The following PLEKHB2 variants were observed in gnomAD, a reference collection of about 807,000 sequenced individuals.
PLEKHB2 encodes pleckstrin homology domain containing B2.
In PLEKHB2, 31 loss-of-function variants were observed where a neutral mutation model predicts 36.5. The observed-to-expected ratio is 0.85, with a 90% CI of 0.64 to 1.15. The LOEUF (loss-of-function observed/expected upper bound fraction) is 1.15, where lower values mean the gene tolerates loss of function less well. Ranked by LOEUF, PLEKHB2 falls within the 50% of genes most tolerant of loss-of-function variation. PLEKHB2 has a pLI of 0.00. For synonymous variants in PLEKHB2, 119 were observed against 112.0 expected (o/e 1.06, Z -0.39); for missense variants, 262 against 295.3 (o/e 0.89, Z 0.83).
intron 1 of PLEKHB2, among the ~76,000 whole-genome samples, chr2:131,113,300 T>C (rs753140391): frequency 3.3e-5 from 5 of 152,114 alleles, no homozygotes. Context: ...CTCAAACTCC[T>C]GAGCTCAAGT....
At position 131,146,613 on chromosome 2, in the gene PLEKHB2, TCTG is replaced by T. The variant is rs771388794; in HGVS notation, c.533-21_533-19del. ...AACTTCACAAACCGCTGCTCAGAAA[TCTG>T]CTATTTTCCTTCTCTTTTAGGACTT... On this transcript the variant is annotated intron_variant, in intron 7 of 7. Coordinates refer to ENST00000693505, the MANE Select transcript of PLEKHB2 (RefSeq NM_001100623.2). 60 of 1,595,582 alleles carry T rather than the reference TCTG, an allele frequency of 3.8e-5. No homozygotes were observed. In the African/African-American group the frequency reaches 5.1e-4, roughly 14 times the overall value.
chr2:131,130,932 C>T, intron 5 of PLEKHB2, among the ~76,000 whole-genome samples, 172 bp downstream of exon 5: 1 of 152,078 alleles, frequency 6.6e-6, no homozygotes, highest in Non-Finnish European at 1.5e-5. Context: ...ACTATAGGCC[C>T]ATGCTACCAC....
At chr2:131,110,513 C>T (rs1368916641) in intron 1 of PLEKHB2, among the ~76,000 whole-genome samples, 1 of 152,092 alleles carries the variant, frequency 6.6e-6, no homozygotes, top group East Asian at 1.9e-4. Flanking sequence ...GTAGGTGGGA[C>T]TACAGGCGTG....
intron 7 of PLEKHB2, among the ~76,000 whole-genome samples, chr2:131,144,809 G>A (rs574301629): frequency 6.6e-6 from 1 of 152,340 alleles, no homozygotes; most frequent in East Asian, 1.9e-4. Flanking sequence ...AGGGGCATCA[G>A]AATGTAGATT....
intron 7 of PLEKHB2, chr2:131,144,541 A>G: frequency 2.1e-6 from 1 of 487,554 alleles, no homozygotes; most frequent in Middle Eastern, 5.7e-4. Flanking sequence ...ATTTGATGGT[A>G]ATTTGTAAAA....
chr2:131,110,317 GTT>G (rs781526594), intron 1 of PLEKHB2, among the ~76,000 whole-genome samples: 10 of 129,416 alleles, frequency 7.7e-5, no homozygotes, highest in South Asian at 2.5e-4. Context: ...AGTCTGGACT[GTT>G]TTTTTTTTTT....
intron 7 of PLEKHB2, among the ~76,000 whole-genome samples, chr2:131,145,107 A>G (rs545751028): frequency 6.6e-6 from 1 of 152,306 alleles, no homozygotes; most frequent in African/African-American, 2.4e-5. Flanking sequence ...GTGGGTATAA[A>G]TGCATACTGT....
chr2:131,146,814 G>T lies in PLEKHB2; in HGVS notation c.*41G>T, dbSNP rs767269085. 3.3e-6 allele frequency: 5 copies of T among 1,512,612 alleles called. No individual in the cohort carries two copies. The highest frequency in any genetic ancestry group is 4.5e-6 in the Non-Finnish European group (5 of 1,121,506). The allele number at this position is 1,512,612 out of a possible 1,614,324, so 93.7% of individuals were successfully genotyped here. On this transcript the variant is annotated 3_prime_UTR_variant, in exon 8 of 8. Transcript: ENST00000693505. ...GATGTGCATAGCTTCTGATAACCCT[G>T]TGTGCAATAATATGATTTGCAGGGC... is the stretch of plus-strand genomic sequence containing the variant.
intron 1 of PLEKHB2, chr2:131,120,671 G>A (rs1393842463): frequency 1.9e-6 from 1 of 537,092 alleles, no homozygotes; most frequent in Non-Finnish European, 3.4e-6. Flanking sequence ...GCTGCTTTAT[G>A]TTTGTTGAGT....
At chr2:131,142,131 TTGGGA>T (rs1698850344) in intron 7 of PLEKHB2, among the ~76,000 whole-genome samples, 1 of 152,110 alleles carries the variant, frequency 6.6e-6, no homozygotes, top group Admixed American at 6.5e-5. Context: ...GGGCACATCT[TTGGGA>T]TGGGAAGGAA....
intron 6 of PLEKHB2, among the ~76,000 whole-genome samples, chr2:131,138,990 A>G (rs1312210001): frequency 2.0e-5 from 3 of 152,218 alleles, no homozygotes; most frequent in Non-Finnish European, 4.4e-5. Context: ...CCTGCTGAGC[A>G]TGGAAATTCA....
At chr2:131,140,781 T>C (rs549848444) in intron 7 of PLEKHB2, among the ~76,000 whole-genome samples, 34 of 152,332 alleles carry the variant, frequency 2.2e-4, no homozygotes, top group African/African-American at 7.9e-4. Flanking sequence ...AGGTATCATG[T>C]CCAGGTCTCC....
At chr2:131,127,721 T>C (rs1444501145) in intron 4 of PLEKHB2, among the ~76,000 whole-genome samples, 1 of 152,262 alleles carries the variant, frequency 6.6e-6, no homozygotes, top group East Asian at 1.9e-4. Context: ...TACTGAGATG[T>C]TCTTCAATCC....
chr2:131,111,420 C>T (rs1282187128), intron 1 of PLEKHB2, among the ~76,000 whole-genome samples: 1 of 148,598 alleles, frequency 6.7e-6, no homozygotes, highest in African/African-American at 2.5e-5. Flanking sequence ...TTGATCTTTC[C>T]AACTCTTGTA....
Position 131,136,730 on chromosome 2 carries a change from TA to T in PLEKHB2, c.424-3436del, listed in dbSNP as rs1436930946. 1.3e-5 allele frequency among the ~76,000 whole-genome samples: 2 copies of T among 151,646 alleles called. 1 individual carries two copies. The highest frequency in any genetic ancestry group is 4.9e-5 in the African/African-American group (2 of 41,096). The stretch of plus-strand genomic sequence containing the variant: ...ATTGGTCTATAGTTTTCTTTTTTTG[TA>T]CTTTGTTTTGTTTTATCAAGGCAAT... On this transcript the variant is annotated intron_variant, in intron 6 of 7. Transcript: ENST00000693505.
chr2:131,108,086 G>T (rs1312159579), intron 1 of PLEKHB2: 1 of 152,244 alleles, frequency 6.6e-6, no homozygotes, highest in African/African-American at 2.4e-5. Context: ...GAGGCTTAGA[G>T]AGGTTTAGAA....
intron 7 of PLEKHB2, chr2:131,144,435 C>T: frequency 8.2e-7 from 1 of 1,226,668 alleles, no homozygotes; most frequent in Non-Finnish European, 1.0e-6. Flanking sequence ...CGTCATTGCA[C>T]TGCAGTTTCC....
intron 1 of PLEKHB2, among the ~76,000 whole-genome samples, chr2:131,115,149 G>C (rs552553915): frequency 6.6e-6 from 1 of 152,100 alleles, no homozygotes; most frequent in African/African-American, 2.4e-5. Flanking sequence ...AAGAGAACTT[G>C]TGCGGGGAAC....
Position 131,140,036 on chromosome 2 carries a change from A to G in PLEKHB2, c.424-131A>G. ...ATTTTAAAACGGGGGGCCTAACCAC[A>G]CTGTTTCATGTTTTGTTTTGTTTTT... On this transcript the variant is annotated intron_variant, in intron 6 of 7. Coordinates refer to ENST00000693505, the MANE Select transcript of PLEKHB2 (RefSeq NM_001100623.2). 5.0e-6 allele frequency: 3 copies of G among 596,214 alleles called. No homozygotes were observed. The South Asian group carries it at 6.7e-5, about 13-fold the overall frequency. The allele number at this position is 596,214 out of a possible 1,614,324, so 36.9% of individuals were successfully genotyped here.
Sources: gnomAD v4.1 joint callset for allele counts (sites outside exome capture counted in the v4.1 genomes callset) on GRCh38, gnomAD v4.1.1 for gene constraint, MANE v1.5 for transcripts, NCBI Gene and HGNC (gene_info 2026-07-23, HGNC 2026-07-21) for gene names.